CCSER1: variants seen among roughly 807,000 people sequenced by gnomAD.
The protein encoded by CCSER1 is coiled-coil serine rich protein 1.
CCSER1 carries 41 observed loss-of-function variants against 82.0 expected under a neutral mutation model. The observed-to-expected ratio is 0.50, with a 90% CI of 0.39 to 0.65. The LOEUF (loss-of-function observed/expected upper bound fraction) is 0.65, where lower values mean the gene tolerates loss of function less well. Ranked by LOEUF, CCSER1 falls within the 30% of genes least tolerant of loss-of-function variation. The probability of loss-of-function intolerance (pLI) is 0.00; values close to 1 mark genes in which losing one functional copy is unlikely to be tolerated. For missense variants in CCSER1, 1,119 were observed against 1,064.2 expected, an observed-to-expected ratio of 1.05 and a Z score of -0.72; for synonymous variants, 414 against 383.9, an observed-to-expected ratio of 1.08 and a Z score of -0.92.
chr4:90,765,217 T>C (rs1220065846), intron 7 of CCSER1, among the ~76,000 whole-genome samples: 1 of 152,166 alleles, frequency 6.6e-6, no homozygotes, highest in African/African-American at 2.4e-5. Flanking sequence ...TAACAAGCTG[T>C]ACAAGGCCTT....
chr4:90,540,016 A>G (rs1274319385), intron 5 of CCSER1, among the ~76,000 whole-genome samples: 1 of 152,082 alleles, frequency 6.6e-6, no homozygotes, highest in African/African-American at 2.4e-5. Flanking sequence ...GGGCAATTTC[A>G]GACACTGACC....
In CCSER1 at chr4:91,136,286, T is replaced by C. The variant is rs143271675; in HGVS notation, c.2217+50292T>C. ...TTTTTCCTTTATCTACAATGTCCTC[T>C]CCTTCCTCATCCTCATCCTACCGTC... On this transcript the variant is annotated intron_variant, in intron 10 of 10. Coordinates refer to ENST00000509176, the MANE Select transcript of CCSER1 (RefSeq NM_001145065.2). Among the ~76,000 whole-genome samples, 54 of 152,324 alleles carry C rather than the reference T, an allele frequency of 3.5e-4. 1 individual carries two copies. In the East Asian group the frequency reaches 0.01, roughly 28 times the overall value.
chr4:90,653,906 T>C (rs1446518704), intron 6 of CCSER1, among the ~76,000 whole-genome samples: 1 of 152,050 alleles, frequency 6.6e-6, no homozygotes, highest in African/African-American at 2.4e-5. Context: ...ACAGGAAGCA[T>C]GACTGGGAGG....
intron 8 of CCSER1, among the ~76,000 whole-genome samples, chr4:90,856,649 A>G (rs1764496549): frequency 6.6e-6 from 1 of 152,130 alleles, no homozygotes; most frequent in Non-Finnish European, 1.5e-5. Context: ...GAGTATTAAG[A>G]TCTATTCCCA....
chr4:90,842,613 G>A (rs1044326154), intron 8 of CCSER1, among the ~76,000 whole-genome samples: 3 of 152,168 alleles, frequency 2.0e-5, no homozygotes, highest in African/African-American at 7.2e-5. Flanking sequence ...TGACATGTCT[G>A]ATCATTGAAG....
chr4:90,365,959 A>G (rs1746207112), intron 3 of CCSER1, among the ~76,000 whole-genome samples: 1 of 151,868 alleles, frequency 6.6e-6, no homozygotes, highest in Non-Finnish European at 1.5e-5. Flanking sequence ...TGCATACTAC[A>G]GCATTTTTGT....
intron 1 of CCSER1, among the ~76,000 whole-genome samples, chr4:90,284,000 T>C (rs1463191837): frequency 2.6e-5 from 4 of 152,040 alleles, no homozygotes; most frequent in Non-Finnish European, 4.4e-5. Flanking sequence ...ATTTCCTGTC[T>C]TTAGGATAAA....
chr4:91,173,335 C>A (rs547961607), intron 10 of CCSER1, among the ~76,000 whole-genome samples: 2 of 152,086 alleles, frequency 1.3e-5, no homozygotes, highest in Non-Finnish European at 2.9e-5. Flanking sequence ...TGGTTCACAC[C>A]GGTAATCCCA....
chr4:90,570,462 C>A (rs2153653695), intron 5 of CCSER1, among the ~76,000 whole-genome samples: 1 of 152,192 alleles, frequency 6.6e-6, no homozygotes, highest in Non-Finnish European at 1.5e-5. Flanking sequence ...TGCCCTTGAA[C>A]CCACTGCATC....
At chr4:90,825,153 A>G (rs1367398638) in intron 8 of CCSER1, among the ~76,000 whole-genome samples, 2 of 152,252 alleles carry the variant, frequency 1.3e-5, no homozygotes, top group African/African-American at 4.8e-5. Flanking sequence ...ATTGCAGTAC[A>G]GCATGGATAT....
At chr4:91,407,230 A>G (rs1365624557) in intron 10 of CCSER1, among the ~76,000 whole-genome samples, 1 of 152,204 alleles carries the variant, frequency 6.6e-6, no homozygotes, top group Non-Finnish European at 1.5e-5. Flanking sequence ...ACAACTCGAG[A>G]TCCAAATCAT....
intron 3 of CCSER1, among the ~76,000 whole-genome samples, chr4:90,351,493 G>A (rs13117351): frequency 0.28 from 42,661 of 151,884 alleles, 6,604 homozygotes; most frequent in African/African-American, 0.41. Context: ...AAGAAATGAA[G>A]TAAATAATAA....
intron 8 of CCSER1, among the ~76,000 whole-genome samples, chr4:90,871,202 A>G (rs1246910664): frequency 3.3e-5 from 5 of 150,842 alleles, no homozygotes; most frequent in African/African-American, 1.2e-4. Context: ...GTTCTTTATT[A>G]ATTTCTTCAG....
chr4:91,570,087 C>A (rs1056681267), intron 10 of CCSER1, among the ~76,000 whole-genome samples: 3 of 152,148 alleles, frequency 2.0e-5, no homozygotes, highest in Non-Finnish European at 4.4e-5. Flanking sequence ...AGTCATCAAA[C>A]CTTAAAGCTG....
At chr4:91,265,661 T>C (rs898341050) in intron 10 of CCSER1, among the ~76,000 whole-genome samples, 3 of 152,150 alleles carry the variant, frequency 2.0e-5, no homozygotes, top group African/African-American at 7.2e-5. Flanking sequence ...TTTATTGTAG[T>C]TGTAATGGTT....
intron 10 of CCSER1, chr4:91,319,863 C>A (rs911507967): frequency 2.7e-6 from 1 of 364,496 alleles, no homozygotes; most frequent in Admixed American, 3.7e-5. Flanking sequence ...CACTATCCAC[C>A]GTTTCACTTA....
intron 9 of CCSER1, among the ~76,000 whole-genome samples, chr4:91,021,116 G>T (rs184378620): frequency 6.6e-6 from 1 of 152,158 alleles, no homozygotes; most frequent in South Asian, 2.1e-4. Context: ...AATTGGAAAG[G>T]TTGGATTTTA....
At chr4:91,174,876 G>A (rs1312005709) in intron 10 of CCSER1, among the ~76,000 whole-genome samples, 1 of 150,782 alleles carries the variant, frequency 6.6e-6, no homozygotes, top group Non-Finnish European at 1.5e-5. Flanking sequence ...ACGACATGCA[G>A]ATTTGTTACA....
intron 8 of CCSER1, among the ~76,000 whole-genome samples, chr4:90,852,785 G>T (rs1352199194): frequency 6.6e-6 from 1 of 152,144 alleles, no homozygotes; most frequent in Non-Finnish European, 1.5e-5. Flanking sequence ...ATAATTAATT[G>T]TATCTTTGCT....
Sources: gnomAD v4.1 joint callset for allele counts (sites outside exome capture counted in the v4.1 genomes callset) on GRCh38, gnomAD v4.1.1 for gene constraint, MANE v1.5 for transcripts, NCBI Gene and HGNC (gene_info 2026-07-23, HGNC 2026-07-21) for gene names.